LRRC4C: variants seen among roughly 807,000 people sequenced by gnomAD.
LRRC4C encodes leucine rich repeat containing 4C, also known as leucine-rich repeat-containing protein 4C.
A neutral mutation model predicts 33.6 loss-of-function variants in LRRC4C; 5 were observed. The ratio of observed to expected loss-of-function variants is 0.15; its 90% CI spans 0.08 to 0.31. The LOEUF is 0.31. LRRC4C is among the 10% of genes least tolerant of loss of function. The pLI, the probability that LRRC4C is intolerant of heterozygous loss-of-function variation, is 1.00. For missense variants in LRRC4C, 560 were observed against 796.7 expected (o/e 0.70, Z 3.58); for synonymous variants, 329 against 302.0 (o/e 1.09, Z -0.93).
At chr11:40,261,181 C>T (rs776073969) in intron 4 of LRRC4C, among the ~76,000 whole-genome samples, 2 of 152,102 alleles carry the variant, frequency 1.3e-5, no homozygotes, top group Non-Finnish European at 2.9e-5. Flanking sequence ...AGTCACCTCA[C>T]CCAGCCTGAA....
At chr11:40,663,446 T>A (rs1167801181) in intron 2 of LRRC4C, among the ~76,000 whole-genome samples, 1 of 152,194 alleles carries the variant, frequency 6.6e-6, no homozygotes, top group Non-Finnish European at 1.5e-5. Flanking sequence ...TTTCTGATTC[T>A]GACCATATAG....
At chr11:41,031,097 G>A (rs1168978872) in intron 1 of LRRC4C, among the ~76,000 whole-genome samples, 1 of 151,898 alleles carries the variant, frequency 6.6e-6, no homozygotes, top group Non-Finnish European at 1.5e-5. Flanking sequence ...GAAAACTCAT[G>A]CTATTGCTTT....
Position 40,373,837 on chromosome 11 carries a change from T to TC in LRRC4C, c.-269-54117dup, listed in dbSNP as rs533482991. Among the ~76,000 whole-genome samples, 14 of 152,012 alleles carry TC rather than the reference T, an allele frequency of 9.2e-5. No homozygotes were observed. The South Asian group carries it at 1.7e-3, about 18-fold the overall frequency. On this transcript the variant is annotated intron_variant, in intron 3 of 6. Transcript: ENST00000528697. ...TTTGCCTTCTGCCACAAGTTAAAGC[T>TC]CCCCCAGTCCTCATCAGAAGCAAAG...
At chr11:40,442,815 C>A (rs1428586442) in intron 3 of LRRC4C, among the ~76,000 whole-genome samples, 1 of 152,106 alleles carries the variant, frequency 6.6e-6, no homozygotes, top group Non-Finnish European at 1.5e-5. Flanking sequence ...TTTCTCTGGT[C>A]TTGTATCTCA....
intron 2 of LRRC4C, among the ~76,000 whole-genome samples, chr11:40,779,874 T>G (rs1591700521): frequency 6.6e-6 from 1 of 152,140 alleles, no homozygotes; most frequent in Non-Finnish European, 1.5e-5. Context: ...ACATGGATGG[T>G]GCCTAAAGTG....
At chr11:40,517,088 G>A (rs1955590316) in intron 3 of LRRC4C, among the ~76,000 whole-genome samples, 1 of 152,152 alleles carries the variant, frequency 6.6e-6, no homozygotes, top group African/African-American at 2.4e-5. Flanking sequence ...CAAGATTAAA[G>A]TCTCAAATTT....
intron 1 of LRRC4C, among the ~76,000 whole-genome samples, chr11:41,100,500 G>A (rs997049465): frequency 1.5e-4 from 23 of 152,146 alleles, no homozygotes; most frequent in Admixed American, 4.6e-4. Context: ...TCATGAGGTG[G>A]AGGTTTGCAG....
intron 2 of LRRC4C, among the ~76,000 whole-genome samples, chr11:40,922,741 C>G (rs1017098464): frequency 1.3e-5 from 2 of 152,114 alleles, no homozygotes; most frequent in African/African-American, 4.8e-5. Flanking sequence ...ATAAATTTTG[C>G]AAACAAATGC....
At chr11:41,398,725 A>G (rs979819488) in intron 1 of LRRC4C, among the ~76,000 whole-genome samples, 1 of 151,984 alleles carries the variant, frequency 6.6e-6, no homozygotes, top group Non-Finnish European at 1.5e-5. Context: ...ATATTGACAA[A>G]GATGATAACT....
chr11:40,739,300 A>G (rs745782410), intron 2 of LRRC4C, among the ~76,000 whole-genome samples: 1 of 151,924 alleles, frequency 6.6e-6, no homozygotes. Context: ...ACAAGTAAGT[A>G]TATATAGTAT....
At chr11:40,896,187 T>C (rs374552970) in intron 2 of LRRC4C, among the ~76,000 whole-genome samples, 2 of 152,258 alleles carry the variant, frequency 1.3e-5, no homozygotes, top group South Asian at 2.1e-4. Flanking sequence ...TTGATCAGCT[T>C]TAAAGTTCGC....
At chr11:40,434,384 G>A (rs1296776617) in intron 3 of LRRC4C, among the ~76,000 whole-genome samples, 4 of 152,202 alleles carry the variant, frequency 2.6e-5, no homozygotes, top group Admixed American at 2.0e-4. Context: ...ATCTGGTAGA[G>A]AGTGATAACT....
intron 3 of LRRC4C, among the ~76,000 whole-genome samples, chr11:40,350,611 T>C (rs1947339649): frequency 6.6e-6 from 1 of 152,140 alleles, no homozygotes; most frequent in South Asian, 2.1e-4. Flanking sequence ...TAGAATTATT[T>C]TTCATATTTC....
chr11:40,313,646 C>A (rs1194794320), intron 4 of LRRC4C, among the ~76,000 whole-genome samples: 2 of 137,404 alleles, frequency 1.5e-5, no homozygotes, highest in Non-Finnish European at 3.0e-5. Flanking sequence ...CTCGCTCTAT[C>A]ACCCAGACTG....
intron 1 of LRRC4C, among the ~76,000 whole-genome samples, chr11:40,968,651 T>C (rs2136959990): frequency 6.6e-6 from 1 of 152,258 alleles, no homozygotes; most frequent in East Asian, 1.9e-4. Context: ...ATGTTAAAAC[T>C]ACTCTGCTTG....
At chr11:40,476,342 CTTTTTTTTT>C (rs71308392) in intron 3 of LRRC4C, among the ~76,000 whole-genome samples, 1 of 81,370 alleles carries the variant, frequency 1.2e-5, no homozygotes, top group Non-Finnish European at 2.5e-5. Flanking sequence ...TTTTTTTCTT[CTTTTTTTTT>C]TTTTTTTTTT....
In LRRC4C at chr11:40,415,871, C is replaced by T. The variant is rs149068211; in HGVS notation, c.-269-96150G>A. Among the ~76,000 whole-genome samples, 68 of 152,238 alleles carry T rather than the reference C, an allele frequency of 4.5e-4. 1 individual carries two copies. Among genetic ancestry groups the T allele is most frequent in the African/African-American group, 1.5e-3 (64 of 41,540 alleles). On this transcript the variant is annotated intron_variant, in intron 3 of 6. Transcript: ENST00000528697. Reference sequence around the variant, plus strand: ...TAAAAGCACTGAAGTTAGCTTTGTGCAACATTGCCACTAATCTGATGAGAA... The same window carrying T: ...TAAAAGCACTGAAGTTAGCTTTGTGTAACATTGCCACTAATCTGATGAGAA...
chr11:41,112,474 T>G (rs1239727126), intron 1 of LRRC4C, among the ~76,000 whole-genome samples: 1 of 152,218 alleles, frequency 6.6e-6, no homozygotes, highest in African/African-American at 2.4e-5. Context: ...CTTTAATCTC[T>G]TTCTCTGTCA....
At chr11:41,246,277 C>T (rs1565514446) in intron 1 of LRRC4C, among the ~76,000 whole-genome samples, 1 of 152,140 alleles carries the variant, frequency 6.6e-6, no homozygotes, top group African/African-American at 2.4e-5. Context: ...CAGCAGGGGG[C>T]TAGTGTGTGT....
Sources: allele counts gnomAD v4.1 joint callset (sites outside exome capture counted in the v4.1 genomes callset), GRCh38; gene constraint gnomAD v4.1.1; transcripts MANE v1.5; gene names NCBI Gene and HGNC (gene_info 2026-07-23, HGNC 2026-07-21).